HERC4: variants seen among roughly 807,000 people sequenced by gnomAD.
HERC4 encodes probable E3 ubiquitin-protein ligase HERC4.
In HERC4, 28 loss-of-function variants were observed where a neutral mutation model predicts 124.3. That is an observed-to-expected ratio of 0.23 (90% CI 0.17 to 0.31). HERC4 has a LOEUF of 0.31. HERC4 is among the 10% of genes least tolerant of loss of function. The pLI, the probability that HERC4 is intolerant of heterozygous loss-of-function variation, is 1.00. For synonymous variants in HERC4, 407 were observed against 421.5 expected, an observed-to-expected ratio of 0.97 and a Z score of 0.42; for missense variants, 713 against 1,229.3, an observed-to-expected ratio of 0.58 and a Z score of 6.28.
At chr10:68,004,157 T>C (rs2037403225) in intron 9 of HERC4, among the ~76,000 whole-genome samples, 1 of 152,214 alleles carries the variant, frequency 6.6e-6, no homozygotes, top group Non-Finnish European at 1.5e-5. Context: ...GAAATGCATA[T>C]TTAGATCTTT....
chr10:67,935,928 G>A (rs1480461288), intron 22 of HERC4, among the ~76,000 whole-genome samples: 1 of 152,116 alleles, frequency 6.6e-6, no homozygotes, highest in Non-Finnish European at 1.5e-5. Context: ...AGTTACTACT[G>A]TTTCCTGGCT....
intron 15 of HERC4, among the ~76,000 whole-genome samples, chr10:67,973,890 T>G (rs929115663): frequency 3.3e-5 from 5 of 151,202 alleles, no homozygotes; most frequent in African/African-American, 1.2e-4. Flanking sequence ...CTACTAAAAA[T>G]AGAAAAATTA....
chr10:68,046,864 G>A (rs1169523086), intron 3 of HERC4, among the ~76,000 whole-genome samples: 1 of 152,036 alleles, frequency 6.6e-6, no homozygotes, highest in African/African-American at 2.4e-5. Context: ...AGACAGAGTG[G>A]GGAGAATCAC....
At chr10:67,932,383 G>C (rs552060164) in intron 23 of HERC4, among the ~76,000 whole-genome samples, 2 of 152,292 alleles carry the variant, frequency 1.3e-5, no homozygotes, top group African/African-American at 4.8e-5. Flanking sequence ...ACTGTGCCTG[G>C]CCAGATGAGT....
chr10:67,947,716 A>T (rs1183878766), intron 19 of HERC4, among the ~76,000 whole-genome samples: 5 of 152,184 alleles, frequency 3.3e-5, no homozygotes, highest in African/African-American at 4.8e-5. Flanking sequence ...CAAAACTTTC[A>T]ATAAATTTTA....
At chr10:68,030,617 A>G (rs936421352) in intron 7 of HERC4, among the ~76,000 whole-genome samples, 1 of 152,178 alleles carries the variant, frequency 6.6e-6, no homozygotes, top group Non-Finnish European at 1.5e-5. Context: ...GTACTTCATT[A>G]CAGGGATGTA....
At chr10:68,009,300 T>C (rs1473011099) in intron 9 of HERC4, among the ~76,000 whole-genome samples, 2 of 151,922 alleles carry the variant, frequency 1.3e-5, no homozygotes, top group Non-Finnish European at 2.9e-5. Context: ...TTTTCTTTTA[T>C]AGAGATGAGA....
chr10:68,059,539 T>TAAC (rs1564607389), intron 3 of HERC4, among the ~76,000 whole-genome samples: 1 of 116,192 alleles, frequency 8.6e-6, no homozygotes, highest in African/African-American at 3.4e-5. Flanking sequence ...TTATATATCA[T>TAAC]ATTATATATC....
At chr10:68,010,701 A>G in intron 9 of HERC4, 2 of 1,481,974 alleles carry the variant, frequency 1.3e-6, no homozygotes, top group South Asian at 1.2e-5. Flanking sequence ...ATGTTCTTGA[A>G]GCTAAGCTGT....
chr10:68,011,411 G>A (rs942807542), intron 9 of HERC4, among the ~76,000 whole-genome samples: 6 of 152,158 alleles, frequency 3.9e-5, no homozygotes, highest in South Asian at 2.1e-4. Flanking sequence ...ACAGCCTTAC[G>A]AAATGTATTT....
chr10:67,943,890 C>T (rs76408389), intron 19 of HERC4, among the ~76,000 whole-genome samples: 2 of 152,128 alleles, frequency 1.3e-5, no homozygotes, highest in African/African-American at 2.4e-5. Context: ...AGAGTGGGAA[C>T]AATTTTGCCT....
intron 3 of HERC4, among the ~76,000 whole-genome samples, chr10:68,046,465 G>A (rs1003392548): frequency 3.3e-5 from 5 of 152,104 alleles, no homozygotes; most frequent in African/African-American, 7.2e-5. Context: ...CAAAATCCAC[G>A]AAACAAAGAA....
intron 16 of HERC4, chr10:67,966,209 G>A (rs2034855583): frequency 6.5e-6 from 1 of 153,806 alleles, no homozygotes; most frequent in Non-Finnish European, 1.4e-5. Flanking sequence ...GAAATCCCGA[G>A]CTCAGGGAAT....
chr10:67,957,684 A>G lies in HERC4; in HGVS notation c.1927-708T>C, dbSNP rs117089882. On this transcript the variant is annotated intron_variant, in intron 16 of 24. Coordinates refer to ENST00000373700, the MANE Select transcript of HERC4 (RefSeq NM_015601.4). ...GACGACCTACTTCTACCATCTACCCAGTAAAACAATATCTTTGTGCCTGCC... is the reference window on the plus strand; with the variant it reads ...GACGACCTACTTCTACCATCTACCCGGTAAAACAATATCTTTGTGCCTGCC... Among the ~76,000 whole-genome samples the G allele has an allele frequency of 1.2e-3, 180 of 152,330 alleles. 1 individual carries two copies. The East Asian group carries it at 0.031, about 26-fold the overall frequency.
chr10:67,959,138 T>C (rs760548332), intron 16 of HERC4: 2 of 1,594,896 alleles, frequency 1.3e-6, no homozygotes, highest in Non-Finnish European at 1.7e-6. Flanking sequence ...GTTGACATCC[T>C]AAGACAGCAG....
rs1022407920 is a variant in HERC4, at chr10:68,039,640, C to T, written c.387-1471G>A. ...AATTTAGCAGAATCCAACAAATTAGCAGGATCCAATGCACCTTCAAATTTT... is the reference window on the plus strand; with the variant it reads ...AATTTAGCAGAATCCAACAAATTAGTAGGATCCAATGCACCTTCAAATTTT... On this transcript the variant is annotated intron_variant, in intron 4 of 24. Transcript: ENST00000373700. The T allele has an allele frequency of 1.8e-5, 25 of 1,371,150 alleles. No individual in the cohort carries two copies. The African/African-American group carries it at 3.5e-4, about 19-fold the overall frequency. The allele number at this position is 1,371,150 out of a possible 1,614,324, so 84.9% of individuals were successfully genotyped here.
rs2131946373 is a variant in HERC4 at position 67,925,116 on chromosome 10, T to C, written c.2910A>G (p.Glu970=). Residue 970 remains glutamate, a synonymous_variant, in exon 24 of 25, where the codon GAA becomes GAG. Transcript: ENST00000373700. The stretch of plus-strand genomic sequence containing the variant: ...ACTGTTTCTTCTTTTCCAATGGTAA[T>C]TCGTGAAATACTTCCCAAAAAATTT... ...TIKIFWEVFH[E]LPLEKKKQFL... The C allele has an allele frequency of 1.2e-6, 2 of 1,600,936 alleles. No individual in the cohort carries two copies. Among genetic ancestry groups the C allele is most frequent in the East Asian group, 2.2e-5 (1 of 44,726 alleles).
At chr10:67,929,892 C>A (rs1448834052) in intron 23 of HERC4, among the ~76,000 whole-genome samples, 1 of 150,534 alleles carries the variant, frequency 6.6e-6, no homozygotes, top group Non-Finnish European at 1.5e-5. Context: ...CGGCTCACTG[C>A]AACCTCTGCC....
At chr10:67,977,221 A>G (rs1164159752) in intron 15 of HERC4, among the ~76,000 whole-genome samples, 1 of 152,200 alleles carries the variant, frequency 6.6e-6, no homozygotes, top group African/African-American at 2.4e-5. Flanking sequence ...ATACCAGCTC[A>G]GCCACAGCTG....
Sources: gnomAD v4.1 joint callset for allele counts (sites outside exome capture counted in the v4.1 genomes callset) on GRCh38, gnomAD v4.1.1 for gene constraint, MANE v1.5 for transcripts, NCBI Gene and HGNC (gene_info 2026-07-23, HGNC 2026-07-21) for gene names.